The following FRMPD3 variants were observed in gnomAD, a reference collection of about 807,000 sequenced individuals.
FRMPD3 encodes the protein FERM and PDZ domain-containing protein 3.
In FRMPD3, 42 loss-of-function variants were observed where a neutral mutation model predicts 97.9. The observed-to-expected ratio is 0.43, with a 90% CI of 0.34 to 0.55. FRMPD3 has a LOEUF of 0.55. Among genes scored for constraint, FRMPD3 ranks in the 20% least tolerant of loss-of-function variants. The pLI is 0.03. For missense variants in FRMPD3, 1,303 were observed against 1,457.7 expected (o/e 0.89, Z 1.73); for synonymous variants, 577 against 581.1 (o/e 0.99, Z 0.10).
chrX:107,545,916 C>G (rs181656261), intron 5 of FRMPD3, 75 bp downstream of exon 5: 3 of 810,322 alleles, frequency 3.7e-6, no homozygotes, highest in African/African-American at 4.0e-5. Context: ...CGCTCTGGGG[C>G]TTCTTATAGT....
intron 1 of FRMPD3, among the ~76,000 whole-genome samples, chrX:107,503,957 C>T (rs1921973081): frequency 8.9e-6 from 1 of 112,620 alleles, no homozygotes; most frequent in South Asian, 3.7e-4. Context: ...GGAGACCGCA[C>T]AGTGACCTGG....
At position 107,603,187 on chromosome X, in the gene FRMPD3, C is replaced by CCAG. The variant is rs748437050; in HGVS notation, c.5160_5162dup (p.Gln1743dup). ...AGGAGTCCACAGCCCGTAACCTTAACCAGCAGCAGCAGCAACAACAACAGC... is the reference window on the plus strand; with the variant it reads ...AGGAGTCCACAGCCCGTAACCTTAACCAGCAGCAGCAGCAGCAACAACAACAGC... On this transcript the variant is annotated inframe_insertion, in exon 15 of 15. Transcript: ENST00000683843. 21 of 1,032,003 alleles carry CCAG rather than the reference C, an allele frequency of 2.0e-5. No individual in the cohort carries two copies. In the African/African-American group the frequency reaches 2.0e-4, roughly 10 times the overall value. The allele number at this position is 1,032,003 out of a possible 1,213,427, so 85.0% of individuals were successfully genotyped here.
rs775706694 is a variant in FRMPD3 at position 107,576,386 on chromosome X, C to T, written c.1368C>T (p.Leu456=). 7 of 1,209,353 alleles carry T rather than the reference C, an allele frequency of 5.8e-6. No homozygotes were observed. The South Asian group carries it at 1.2e-4, about 21-fold the overall frequency. ...FACLIAGYCR[L]LLDSRKMVFS... The stretch of plus-strand genomic sequence containing the variant: ...GCCTGATCGCGGGGTACTGCCGCCT[C>T]TTGCTGGATTCCAGGAAGATGGTCT... Residue 456 remains leucine, a synonymous_variant, in exon 13 of 15, where the codon CTC becomes CTT. Transcript: ENST00000683843.
Position 107,552,870 on chromosome X carries a change from G to C in FRMPD3, c.586G>C (p.Gly196Arg). 1.7e-6 allele frequency: 2 copies of C among 1,209,459 alleles called. No homozygotes were observed. Among genetic ancestry groups the C allele is most frequent in the Non-Finnish European group, 2.2e-6 (2 of 894,687 alleles). ...EHFALVLEYA[G>R]PEQNHKFLLL... is the part of the protein sequence containing the mutation. ...CTTTGCTCTTGTCCTTGAGTATGCC[G>C]GGCCAGAACAGAATCACAAGTTTCT... The change falls in exon 7 of 15, where the codon GGG becomes CGG. Residue 196 changes from glycine (G) to arginine (R), a missense_variant. Physicochemically the swap from Gly to Arg is moderately radical, Grantham distance 125 (BLOSUM62 -2). This residue lies in a region of FRMPD3 where 535 missense variants were observed against 618.6 expected (regional missense o/e 0.86). Coordinates refer to ENST00000683843, the MANE Select transcript of FRMPD3 (RefSeq NM_001388459.1).
chrX:107,563,152 G>A lies in FRMPD3; in HGVS notation c.1068G>A (p.Leu356=), dbSNP rs1922448066. The A allele has an allele frequency of 8.3e-7, 1 of 1,208,596 alleles. No individual in the cohort carries two copies. The highest frequency in any genetic ancestry group is 1.1e-6 in the Non-Finnish European group (1 of 894,803). The change falls in exon 11 of 15, where the codon CTG becomes CTA. Residue 356 remains leucine, a synonymous_variant. Transcript: ENST00000683843. ...IQAKLQYLRI[L]NELPTFTGVL... Reference sequence around the variant, plus strand: ...CAAAGCTCCAGTATCTACGAATTCTGAATGAACTTCCTACCTTCACGGGCG... The same window carrying A: ...CAAAGCTCCAGTATCTACGAATTCTAAATGAACTTCCTACCTTCACGGGCG...
chrX:107,506,084 ACT>A (rs1922021809), intron 1 of FRMPD3, among the ~76,000 whole-genome samples: 1 of 111,786 alleles, frequency 8.9e-6, no homozygotes, highest in Non-Finnish European at 1.9e-5. Context: ...GACCTCGAAG[ACT>A]CAGTGACTGT....
intron 1 of FRMPD3, among the ~76,000 whole-genome samples, chrX:107,450,569 C>CACACACACACAT (rs1442757214): frequency 1.0e-5 from 1 of 100,151 alleles, no homozygotes; most frequent in African/African-American, 3.9e-5. Flanking sequence ...AGACCACACA[C>CACACACACACAT]ACACACACAC....
At chrX:107,508,405 G>A (rs1350898929) in intron 1 of FRMPD3, among the ~76,000 whole-genome samples, 1 of 112,106 alleles carries the variant, frequency 8.9e-6, no homozygotes, top group East Asian at 2.8e-4. Flanking sequence ...AATGATAACA[G>A]TAATTGCTAA....
chrX:107,547,702 C>A (rs1308611757), intron 5 of FRMPD3, among the ~76,000 whole-genome samples: 1 of 111,595 alleles, frequency 9.0e-6, no homozygotes, highest in African/African-American at 3.3e-5. Context: ...CATCACAGGT[C>A]GGGAGCCGGG....
At chrX:107,474,832 G>A (rs779700427) in intron 1 of FRMPD3, among the ~76,000 whole-genome samples, 3 of 111,459 alleles carry the variant, frequency 2.7e-5, no homozygotes, top group African/African-American at 6.5e-5. Flanking sequence ...GAAAGTACAC[G>A]GGGGGGAAAA....
intron 13 of FRMPD3, among the ~76,000 whole-genome samples, chrX:107,595,570 G>A (rs768457360): frequency 9.0e-6 from 1 of 111,330 alleles, no homozygotes; most frequent in Non-Finnish European, 1.9e-5. Context: ...GTTAGGTCTA[G>A]TTTGATTTAT....
At chrX:107,564,484 C>T (rs993851968) in intron 11 of FRMPD3, among the ~76,000 whole-genome samples, 1 of 112,145 alleles carries the variant, frequency 8.9e-6, no homozygotes, top group Non-Finnish European at 1.9e-5. Context: ...CAGGATGCCG[C>T]CTTCTCAGGC....
At chrX:107,559,530 C>T (rs1196192577) in intron 8 of FRMPD3, among the ~76,000 whole-genome samples, 1 of 111,760 alleles carries the variant, frequency 8.9e-6, no homozygotes, top group African/African-American at 3.3e-5. Context: ...TCCTTTTCCA[C>T]TCTCTCCTAT....
chrX:107,493,785 G>A (rs898996850), intron 1 of FRMPD3, among the ~76,000 whole-genome samples: 2 of 111,029 alleles, frequency 1.8e-5, no homozygotes, highest in Non-Finnish European at 3.8e-5. Flanking sequence ...CCATTTTTTT[G>A]CCCTTGGAGA....
At chrX:107,479,201 C>G (rs1217670575) in intron 1 of FRMPD3, among the ~76,000 whole-genome samples, 1 of 112,250 alleles carries the variant, frequency 8.9e-6, no homozygotes, top group African/African-American at 3.2e-5. Context: ...GGAGGCTGGG[C>G]TGGAATTAAG....
intron 1 of FRMPD3, among the ~76,000 whole-genome samples, chrX:107,486,555 T>C (rs1252309347): frequency 8.9e-6 from 1 of 112,650 alleles, no homozygotes; most frequent in African/African-American, 3.2e-5. Flanking sequence ...AACTTTTTCT[T>C]TGCACGTGGA....
At chrX:107,591,346 G>A (rs974907918) in intron 13 of FRMPD3, among the ~76,000 whole-genome samples, 5 of 110,554 alleles carry the variant, frequency 4.5e-5, no homozygotes, top group Admixed American at 1.9e-4. Flanking sequence ...TAGTAGAGAC[G>A]AGGTTTCACC....
At chrX:107,507,048 C>T (rs1922049769) in intron 1 of FRMPD3, among the ~76,000 whole-genome samples, 1 of 110,277 alleles carries the variant, frequency 9.1e-6, no homozygotes, top group African/African-American at 3.3e-5. Flanking sequence ...TTGGGGGGCA[C>T]CTGACCATTG....
chrX:107,530,447 AT>A lies in FRMPD3; in HGVS notation c.189del (p.Ile63MetfsTer9). The A allele has an allele frequency of 8.4e-7, 1 of 1,196,960 alleles. No individual in the cohort carries two copies. The highest frequency in any genetic ancestry group is 1.1e-6 in the Non-Finnish European group (1 of 888,456). ...GAACAAGCTCCTGGCTGGTGACCAG[AT>A]TGTGGCTATTAATGAGGAAGACGTG... ...SENKLLAGDQ[I>X]VAINEEDVSE... On this transcript the variant is annotated frameshift_variant, in exon 3 of 15. Coordinates refer to ENST00000683843, the MANE Select transcript of FRMPD3 (RefSeq NM_001388459.1). LOFTEE classifies it high-confidence loss of function.
Sources: allele counts gnomAD v4.1 joint callset (sites outside exome capture counted in the v4.1 genomes callset), GRCh38; gene constraint gnomAD v4.1.1; regional missense constraint gnomAD v4.1.1; transcripts MANE v1.5; gene names NCBI Gene and HGNC (gene_info 2026-07-23, HGNC 2026-07-21).